Variants in CNTNAP2 observed in about 807,000 individuals in gnomAD.
The protein encoded by CNTNAP2 is contactin associated protein 2.
CNTNAP2 carries 98 observed loss-of-function variants against 155.2 expected under a neutral mutation model. That is an observed-to-expected ratio of 0.63 (90% CI 0.54 to 0.75). The LOEUF is 0.75. CNTNAP2 is among the 30% of genes least tolerant of loss of function. The pLI, the probability that CNTNAP2 is intolerant of heterozygous loss-of-function variation, is 0.00. For synonymous variants in CNTNAP2, 651 were observed against 631.2 expected (o/e 1.03, Z -0.47); for missense variants, 1,727 against 1,688.1 (o/e 1.02, Z -0.40).
intron 13 of CNTNAP2, among the ~76,000 whole-genome samples, chr7:147,878,231 G>A (rs1799458238): frequency 6.6e-6 from 1 of 151,478 alleles, no homozygotes; most frequent in South Asian, 2.1e-4. Context: ...TTTGTACAGT[G>A]CCTAAAACAG....
rs191474979 is a variant in CNTNAP2 at position 146,521,472 on chromosome 7, A to G, written c.98-252799A>G. The stretch of plus-strand genomic sequence containing the variant: ...AATTTACTTTTTTTTCCCTTAAATT[A>G]CTCTACAGTAATCTCTGTGGAAGAA... On this transcript the variant is annotated intron_variant, in intron 1 of 23. Transcript: ENST00000361727. Among the ~76,000 whole-genome samples, 12 of 152,018 alleles carry G rather than the reference A, an allele frequency of 7.9e-5. No homozygotes were observed. In the East Asian group the frequency reaches 2.1e-3, roughly 27 times the overall value.
intron 1 of CNTNAP2, among the ~76,000 whole-genome samples, chr7:146,239,466 T>A (rs917473963): frequency 6.6e-6 from 1 of 152,084 alleles, no homozygotes; most frequent in Non-Finnish European, 1.5e-5. Context: ...TAGGCACAGT[T>A]TTCTCAGTAA....
intron 18 of CNTNAP2, among the ~76,000 whole-genome samples, chr7:148,173,777 A>G (rs1034775804): frequency 6.6e-6 from 1 of 152,358 alleles, no homozygotes; most frequent in African/African-American, 2.4e-5. Flanking sequence ...CAGTCTTGCA[A>G]TTACCATTCA....
intron 13 of CNTNAP2, chr7:147,849,933 G>A (rs897852268): frequency 6.6e-6 from 1 of 152,188 alleles, no homozygotes; most frequent in Admixed American, 6.5e-5. Flanking sequence ...AGCTAAGCAG[G>A]GTTGGTTTGG....
intron 3 of CNTNAP2, among the ~76,000 whole-genome samples, chr7:146,948,203 A>G (rs1032606941): frequency 1.3e-5 from 2 of 151,782 alleles, no homozygotes; most frequent in Non-Finnish European, 2.9e-5. Context: ...CAAGGGCCAA[A>G]TATTTTATGC....
intron 2 of CNTNAP2, among the ~76,000 whole-genome samples, chr7:146,787,991 C>T (rs1444202827): frequency 6.6e-6 from 1 of 152,214 alleles, no homozygotes; most frequent in African/African-American, 2.4e-5. Context: ...CTGATTGGTG[C>T]TTTTACAAAC....
chr7:146,435,082 T>C (rs959213752), intron 1 of CNTNAP2, among the ~76,000 whole-genome samples: 2 of 152,198 alleles, frequency 1.3e-5, no homozygotes, highest in African/African-American at 4.8e-5. Context: ...GAGAAATTTC[T>C]ACTATGAGGG....
At chr7:147,275,427 G>C (rs1369270576) in intron 8 of CNTNAP2, among the ~76,000 whole-genome samples, 1 of 151,836 alleles carries the variant, frequency 6.6e-6, no homozygotes, top group African/African-American at 2.4e-5. Context: ...GTGTGTGTGT[G>C]TGTGTGTGTG....
At chr7:147,328,109 G>A (rs184461670) in intron 9 of CNTNAP2, among the ~76,000 whole-genome samples, 64 of 152,228 alleles carry the variant, frequency 4.2e-4, no homozygotes, top group Admixed American at 1.7e-3. Context: ...CAGGTTGGCC[G>A]CGAATGACAG....
chr7:146,133,829 G>C (rs888938182), intron 1 of CNTNAP2, among the ~76,000 whole-genome samples: 6 of 152,112 alleles, frequency 3.9e-5, no homozygotes, highest in Non-Finnish European at 7.4e-5. Flanking sequence ...TTGTAGTATA[G>C]CTTGAAGTCA....
chr7:146,663,277 C>CAAAAA (rs543257224), intron 1 of CNTNAP2, among the ~76,000 whole-genome samples: 46 of 32,868 alleles, frequency 1.4e-3, no homozygotes, highest in African/African-American at 2.2e-3. Flanking sequence ...AACTCCATCT[C>CAAAAA]AAAAAAAAAA....
intron 11 of CNTNAP2, among the ~76,000 whole-genome samples, chr7:147,547,125 A>T (rs1171216360): frequency 6.6e-6 from 1 of 152,202 alleles, no homozygotes; most frequent in Non-Finnish European, 1.5e-5. Context: ...AGACTTGCTC[A>T]TGTCTTCTCT....
At chr7:146,359,478 C>T (rs565662879) in intron 1 of CNTNAP2, among the ~76,000 whole-genome samples, 6 of 152,290 alleles carry the variant, frequency 3.9e-5, no homozygotes, top group African/African-American at 1.4e-4. Context: ...AATGAAGAAA[C>T]AGCATATTGT....
At chr7:147,920,216 C>T (rs933696442) in intron 14 of CNTNAP2, among the ~76,000 whole-genome samples, 5 of 151,846 alleles carry the variant, frequency 3.3e-5, no homozygotes, top group African/African-American at 4.8e-5. Context: ...ATTAGCTGGG[C>T]GTGGTGGCAC....
chr7:147,961,193 C>T lies in CNTNAP2; in HGVS notation c.2256-16669C>T, dbSNP rs938483359. On this transcript the variant is annotated intron_variant, in intron 14 of 23. Coordinates refer to ENST00000361727, the MANE Select transcript of CNTNAP2 (RefSeq NM_014141.6). ...GTCCTAACTTCTATCTCCTGCTCCC[C>T]TCAACATTATATCTCTTTTTATAAC... Among the ~76,000 whole-genome samples, 10 of 152,088 alleles carry T rather than the reference C, an allele frequency of 6.6e-5. 1 individual carries two copies. The highest frequency in any genetic ancestry group is 5.9e-4 in the Admixed American group (9 of 15,252).
chr7:147,653,243 T>TTTC (rs775922449), intron 13 of CNTNAP2, among the ~76,000 whole-genome samples: 1 of 152,206 alleles, frequency 6.6e-6, no homozygotes, highest in Non-Finnish European at 1.5e-5. Context: ...GTTTTCTTTC[T>TTTC]TTCTTCTTCT....
chr7:147,543,453 G>T (rs1156423061), intron 11 of CNTNAP2, among the ~76,000 whole-genome samples: 2 of 152,194 alleles, frequency 1.3e-5, no homozygotes, highest in African/African-American at 4.8e-5. Flanking sequence ...TTTATGGCCA[G>T]ATTTTGAGGG....
chr7:147,964,130 G>T (rs1801164206), intron 14 of CNTNAP2, among the ~76,000 whole-genome samples: 1 of 152,040 alleles, frequency 6.6e-6, no homozygotes. Context: ...CACAGGAGAG[G>T]TTCCTTTCTC....
At chr7:147,373,740 G>A (rs1478458805) in intron 9 of CNTNAP2, among the ~76,000 whole-genome samples, 3 of 151,774 alleles carry the variant, frequency 2.0e-5, no homozygotes, top group African/African-American at 7.3e-5. Flanking sequence ...ACCAGAGCAG[G>A]GAGAACTTTA....
Sources: allele counts gnomAD v4.1 joint callset (sites outside exome capture counted in the v4.1 genomes callset), GRCh38; gene constraint gnomAD v4.1.1; transcripts MANE v1.5; gene names NCBI Gene and HGNC (gene_info 2026-07-23, HGNC 2026-07-21).